The following WWC1 variants were observed in gnomAD, a reference collection of about 807,000 sequenced individuals.
WWC1 encodes the protein WW and C2 domain containing 1.
A neutral mutation model predicts 138.4 loss-of-function variants in WWC1; 55 were observed. The ratio of observed to expected loss-of-function variants is 0.40; its 90% CI spans 0.32 to 0.50. The LOEUF is 0.50. Among genes scored for constraint, WWC1 ranks in the 20% least tolerant of loss-of-function variants. The pLI is 0.72. For missense variants in WWC1, 1,226 were observed against 1,420.4 expected (o/e 0.86, Z 2.20); for synonymous variants, 524 against 564.9 (o/e 0.93, Z 1.03).
chr5:168,405,485 A>ATGCTACC (rs1456053378), intron 5 of WWC1, among the ~76,000 whole-genome samples: 1 of 152,186 alleles, frequency 6.6e-6, no homozygotes, highest in Non-Finnish European at 1.5e-5. Context: ...CAAGTCAACG[A>ATGCTACC]TGCTACCGCA....
chr5:168,305,197 A>T (rs1289060094), intron 1 of WWC1, among the ~76,000 whole-genome samples: 1 of 148,310 alleles, frequency 6.7e-6, no homozygotes, highest in Non-Finnish European at 1.5e-5. Flanking sequence ...CAAACTCCTG[A>T]CCTCAGGTGA....
At position 168,423,790 on chromosome 5, in the gene WWC1, A is replaced by G; in HGVS notation, c.1532A>G (p.Lys511Arg). The change falls in exon 11 of 23, where the codon AAG (lysine) becomes AGG (arginine). Residue 511 changes from lysine (K) to arginine (R), a missense_variant. Around this residue, in one of 3 missense-constraint regions of WWC1, gnomAD observed 1,016 missense variants for 1,153.9 expected, o/e 0.88. Transcript: ENST00000265293. ...IHEDEVAKTQ[K>R]AEGGGRLQAL... Reference sequence around the variant, plus strand: ...GAGGATGAGGTGGCCAAGACCCAGAAGGCAGAGGGAGGTGGCCGCCTGCAG... The same window carrying G: ...GAGGATGAGGTGGCCAAGACCCAGAGGGCAGAGGGAGGTGGCCGCCTGCAG... 1 of 1,614,104 alleles carries G rather than the reference A, an allele frequency of 6.2e-7. No individual in the cohort carries two copies. Among genetic ancestry groups the G allele is most frequent in the Admixed American group, 1.7e-5 (1 of 60,016 alleles).
chr5:168,301,011 A>G (rs1770020314), intron 1 of WWC1, among the ~76,000 whole-genome samples: 1 of 152,190 alleles, frequency 6.6e-6, no homozygotes. Context: ...TTGTCTTTGT[A>G]TCACTAACAG....
chr5:168,299,958 G>A (rs1769915253), intron 1 of WWC1, among the ~76,000 whole-genome samples: 1 of 152,144 alleles, frequency 6.6e-6, no homozygotes, highest in Admixed American at 6.5e-5. Flanking sequence ...AGGGGCCCTG[G>A]ATAAGAGGAA....
chr5:168,456,371 G>A (rs1164140812), intron 19 of WWC1, among the ~76,000 whole-genome samples: 1 of 152,072 alleles, frequency 6.6e-6, no homozygotes, highest in Non-Finnish European at 1.5e-5. Context: ...AGTGGCTCAT[G>A]CCTGTAATCC....
intron 2 of WWC1, among the ~76,000 whole-genome samples, chr5:168,373,292 A>G (rs1776895371): frequency 6.6e-6 from 1 of 152,106 alleles, no homozygotes; most frequent in Non-Finnish European, 1.5e-5. Context: ...GGAAGAAAGT[A>G]GTAGCAGGCC....
chr5:168,406,334 A>C lies in WWC1; in HGVS notation c.720+7A>C. On this transcript the variant is annotated splice_region_variant and intron_variant, in intron 6 of 22. Coordinates refer to ENST00000265293, the MANE Select transcript of WWC1 (RefSeq NM_015238.3). ...AAAGCAAGATCTCATTAAGGTATGCAAGTTCCTGTTGATGTGGGTGCCATC... is the reference window on the plus strand; with the variant it reads ...AAAGCAAGATCTCATTAAGGTATGCCAGTTCCTGTTGATGTGGGTGCCATC... 6.2e-7 allele frequency: 1 copy of C among 1,613,424 alleles called. No homozygotes were observed. Among genetic ancestry groups the C allele is most frequent in the Non-Finnish European group, 8.5e-7 (1 of 1,179,566 alleles).
intron 1 of WWC1, among the ~76,000 whole-genome samples, chr5:168,303,420 G>T (rs1770269001): frequency 6.6e-6 from 1 of 152,048 alleles, no homozygotes; most frequent in Admixed American, 6.6e-5. Flanking sequence ...AAGAAAGTGG[G>T]ATCTCACTTT....
chr5:168,335,155 A>G (rs1773353025), intron 1 of WWC1, among the ~76,000 whole-genome samples: 1 of 152,128 alleles, frequency 6.6e-6, no homozygotes, highest in Admixed American at 6.5e-5. Context: ...TTCTAAGTCC[A>G]CTCATCACCC....
chr5:168,370,885 A>C (rs1278665257), intron 1 of WWC1, among the ~76,000 whole-genome samples: 1 of 152,232 alleles, frequency 6.6e-6, no homozygotes, highest in Non-Finnish European at 1.5e-5. Flanking sequence ...TCAAGAGGAA[A>C]ATAAATACTG....
chr5:168,372,389 T>C (rs1317651454), intron 2 of WWC1, among the ~76,000 whole-genome samples: 1 of 152,140 alleles, frequency 6.6e-6, no homozygotes, highest in Non-Finnish European at 1.5e-5. Context: ...TCAGCCTCAC[T>C]CTCAGCCTTC....
chr5:168,332,182 A>G (rs538489004), intron 1 of WWC1, among the ~76,000 whole-genome samples: 2 of 151,998 alleles, frequency 1.3e-5, no homozygotes, highest in East Asian at 1.9e-4. Context: ...ATGCCTTAAC[A>G]TTCAGTAGCA....
intron 3 of WWC1, among the ~76,000 whole-genome samples, chr5:168,396,900 T>C (rs1302987913): frequency 6.6e-6 from 1 of 152,210 alleles, no homozygotes; most frequent in African/African-American, 2.4e-5. Flanking sequence ...ATATGGATAA[T>C]TTATTTTCCT....
intron 1 of WWC1, among the ~76,000 whole-genome samples, chr5:168,337,793 T>A: frequency 6.6e-6 from 1 of 152,288 alleles, no homozygotes; most frequent in Admixed American, 6.5e-5. Flanking sequence ...TGAGGGGACC[T>A]CACTAGGATG....
intron 1 of WWC1, among the ~76,000 whole-genome samples, chr5:168,346,214 G>A (rs1434817434): frequency 6.6e-6 from 1 of 152,050 alleles, no homozygotes; most frequent in Non-Finnish European, 1.5e-5. Context: ...GATCTCAGCA[G>A]GTCTGAAGTT....
At chr5:168,395,497 C>G (rs1213205149) in intron 3 of WWC1, among the ~76,000 whole-genome samples, 1 of 152,152 alleles carries the variant, frequency 6.6e-6, no homozygotes, top group Non-Finnish European at 1.5e-5. Flanking sequence ...TCATTTTGTT[C>G]AAGGTCATTT....
chr5:168,384,666 C>G (rs1014288073), intron 2 of WWC1, among the ~76,000 whole-genome samples: 1 of 151,356 alleles, frequency 6.6e-6, no homozygotes, highest in Non-Finnish European at 1.5e-5. Flanking sequence ...TTATTCAGGC[C>G]GTTCTCAGAG....
chr5:168,357,603 A>G (rs1775559719), intron 1 of WWC1, among the ~76,000 whole-genome samples: 1 of 152,076 alleles, frequency 6.6e-6, no homozygotes, highest in African/African-American at 2.4e-5. Context: ...GACAATGCCC[A>G]GAAGTCATCC....
chr5:168,422,035 G>A lies in WWC1; in HGVS notation c.1212G>A (p.Gln404=), dbSNP rs369694899. 6.2e-7 allele frequency: 1 copy of A among 1,612,520 alleles called. No individual in the cohort carries two copies. Residue 404 remains glutamine (Q), a synonymous_variant, in exon 10 of 23, where the codon CAG becomes CAA. Coordinates refer to ENST00000265293, the MANE Select transcript of WWC1 (RefSeq NM_015238.3). ...ERLKLNSKRN[Q]LVRELEEATR... ...TAAAGTTAAACAGTAAGAGGAACCA[G>A]CTTGTGAGAGAACTGGAGGAAGCCA...
Sources: allele counts gnomAD v4.1 joint callset (sites outside exome capture counted in the v4.1 genomes callset), GRCh38; gene constraint gnomAD v4.1.1; regional missense constraint gnomAD v4.1.1; transcripts MANE v1.5; gene names NCBI Gene and HGNC (gene_info 2026-07-23, HGNC 2026-07-21).